The following NR2C2 variants were observed in gnomAD, a reference collection of about 807,000 sequenced individuals.
The protein encoded by NR2C2 is nuclear receptor subfamily 2 group C member 2.
In NR2C2, 6 loss-of-function variants were observed where a neutral mutation model predicts 62.9. The observed-to-expected ratio is 0.10, with a 90% confidence interval of 0.05 to 0.19. NR2C2 has a LOEUF of 0.19. Ranked by LOEUF, NR2C2 falls within the 10% of genes least tolerant of loss-of-function variation. NR2C2 has a pLI of 1.00. For synonymous variants in NR2C2, 272 were observed against 273.8 expected (o/e 0.99, Z 0.07); for missense variants, 479 against 762.7 (o/e 0.63, Z 4.38).
At position 15,042,523 on chromosome 3, in the gene NR2C2, T is replaced by C. The variant is rs549868554; in HGVS notation, c.1617-311T>C. 10 of 249,642 alleles carry C rather than the reference T, an allele frequency of 4.0e-5. No individual in the cohort carries two copies. The East Asian group carries it at 4.7e-4, about 12-fold the overall frequency. 15.5% of individuals were successfully genotyped at this position (249,642 alleles called of 1,614,324 possible). On this transcript the variant is annotated intron_variant, in intron 13 of 13. Transcript: ENST00000425241. ...AATGAGTCTCTAGCAGTTCATCATA[T>C]GAAGACTCCTACTTTAGTCTGTCCT...
At chr3:15,018,743 G>A (rs1030772559) in intron 4 of NR2C2, among the ~76,000 whole-genome samples, 3 of 151,944 alleles carry the variant, frequency 2.0e-5, no homozygotes, top group African/African-American at 7.3e-5. Context: ...TTGGCAGGGT[G>A]CGGTGTCTCA....
At chr3:14,954,189 A>G (rs1409233054) in intron 1 of NR2C2, among the ~76,000 whole-genome samples, 1 of 152,228 alleles carries the variant, frequency 6.6e-6, no homozygotes, top group African/African-American at 2.4e-5. Flanking sequence ...CAGATGTCAC[A>G]AAGTATATAT....
At chr3:14,981,101 G>GT (rs2040353950) in intron 1 of NR2C2, among the ~76,000 whole-genome samples, 1 of 152,182 alleles carries the variant, frequency 6.6e-6, no homozygotes, top group African/African-American at 2.4e-5. Context: ...TCATACCATA[G>GT]TAACAATAAT....
intron 1 of NR2C2, among the ~76,000 whole-genome samples, chr3:14,967,036 A>T (rs2039877334): frequency 6.6e-6 from 1 of 152,144 alleles, no homozygotes; most frequent in African/African-American, 2.4e-5. Context: ...TTCAGTCTTT[A>T]CTTGTTACAG....
chr3:14,954,428 G>A (rs1343049635), intron 1 of NR2C2, among the ~76,000 whole-genome samples: 1 of 152,164 alleles, frequency 6.6e-6, no homozygotes, highest in Non-Finnish European at 1.5e-5. Context: ...AGGCATGTGT[G>A]AAAATGTTCA....
chr3:14,978,546 G>A (rs2040272479), intron 1 of NR2C2, among the ~76,000 whole-genome samples: 1 of 152,102 alleles, frequency 6.6e-6, no homozygotes, highest in Admixed American at 6.5e-5. Flanking sequence ...TCGTCCATAG[G>A]TTTCCTTTCT....
At chr3:14,949,207 CA>C (rs1331075404) in intron 1 of NR2C2, among the ~76,000 whole-genome samples, 1 of 152,134 alleles carries the variant, frequency 6.6e-6, no homozygotes, top group Non-Finnish European at 1.5e-5. Flanking sequence ...CAAATAATTC[CA>C]GAGAGTCATA....
At chr3:14,949,883 C>T (rs1008945620) in intron 1 of NR2C2, among the ~76,000 whole-genome samples, 1 of 152,162 alleles carries the variant, frequency 6.6e-6, no homozygotes, top group South Asian at 2.1e-4. Context: ...TATTTATACA[C>T]ATACATACAC....
chr3:14,987,310 G>A (rs964844388), intron 1 of NR2C2, among the ~76,000 whole-genome samples: 4 of 152,012 alleles, frequency 2.6e-5, no homozygotes, highest in Admixed American at 6.6e-5. Context: ...CTTGAACTCC[G>A]GGGCGTAAGC....
intron 3 of NR2C2, 94 bp downstream of exon 3, chr3:15,013,883 C>T: frequency 7.5e-7 from 1 of 1,337,880 alleles, no homozygotes; most frequent in South Asian, 1.3e-5. Context: ...CAAATCCATC[C>T]CTGGAAGGTT....
At chr3:15,021,057 A>G (rs2041655404) in intron 5 of NR2C2, 125 bp downstream of exon 5, 1 of 951,276 alleles carries the variant, frequency 1.1e-6, no homozygotes, top group East Asian at 2.6e-5. Flanking sequence ...CTCAGGCTTC[A>G]TTTTGGTTTA....
intron 5 of NR2C2, 151 bp from the exon 6 acceptor site, chr3:15,023,049 C>T (rs2041721450): frequency 4.9e-6 from 4 of 812,388 alleles, no homozygotes; most frequent in Non-Finnish European, 7.6e-6. Context: ...TATTCCTTCT[C>T]TCTGGCCGAA....
chr3:15,033,944 G>A (rs762613087), intron 10 of NR2C2, among the ~76,000 whole-genome samples: 5 of 152,222 alleles, frequency 3.3e-5, no homozygotes, highest in Non-Finnish European at 5.9e-5. Context: ...GAATGACCCA[G>A]TGCAGTAGCC....
At chr3:15,018,291 C>T (rs1168764931) in intron 4 of NR2C2, among the ~76,000 whole-genome samples, 1 of 152,132 alleles carries the variant, frequency 6.6e-6, no homozygotes, top group African/African-American at 2.4e-5. Context: ...GCCACCTTGC[C>T]CAGCCAGGGG....
chr3:14,996,299 T>C (rs1040679728), intron 1 of NR2C2, among the ~76,000 whole-genome samples: 1 of 152,244 alleles, frequency 6.6e-6, no homozygotes, highest in Non-Finnish European at 1.5e-5. Flanking sequence ...TGAGTTTGGA[T>C]TTAATATTTT....
chr3:14,998,000 A>G (rs1156800769), intron 1 of NR2C2, among the ~76,000 whole-genome samples: 2 of 152,136 alleles, frequency 1.3e-5, no homozygotes, highest in East Asian at 3.9e-4. Flanking sequence ...TTCTGTCCCC[A>G]TGGATTTGCC....
intron 1 of NR2C2, among the ~76,000 whole-genome samples, chr3:14,953,933 TGA>T (rs2039446503): frequency 6.6e-6 from 1 of 151,898 alleles, no homozygotes; most frequent in Non-Finnish European, 1.5e-5. Flanking sequence ...GGATGGCTCT[TGA>T]GAAGTTACAC....
At chr3:14,973,408 A>T (rs55806376) in intron 1 of NR2C2, among the ~76,000 whole-genome samples, 2,283 of 151,888 alleles carry the variant, frequency 0.015, 52 homozygotes, top group African/African-American at 0.048. Flanking sequence ...AAAAAAAAAA[A>T]TTTTTTTTAA....
chr3:14,954,603 G>A (rs1451173493), intron 1 of NR2C2, among the ~76,000 whole-genome samples: 1 of 152,142 alleles, frequency 6.6e-6, no homozygotes, highest in East Asian at 1.9e-4. Flanking sequence ...GGCAAAAGAA[G>A]CCAGACATAC....
Sources: gnomAD v4.1 joint callset for allele counts (sites outside exome capture counted in the v4.1 genomes callset) on GRCh38, gnomAD v4.1.1 for gene constraint, MANE v1.5 for transcripts, NCBI Gene and HGNC (gene_info 2026-07-23, HGNC 2026-07-21) for gene names.